PPP1R9A: variants seen among roughly 807,000 people sequenced by gnomAD.
The protein encoded by PPP1R9A is protein phosphatase 1 regulatory subunit 9A.
In PPP1R9A, 59 loss-of-function variants were observed where a neutral mutation model predicts 141.9. That is an observed-to-expected ratio of 0.42 (90% CI 0.34 to 0.52). PPP1R9A has a LOEUF of 0.52. Ranked by LOEUF, PPP1R9A falls within the 20% of genes least tolerant of loss-of-function variation. PPP1R9A has a pLI of 0.10. For synonymous variants in PPP1R9A, 500 were observed against 569.7 expected (o/e 0.88, Z 1.74); for missense variants, 1,444 against 1,611.9 (o/e 0.90, Z 1.78).
chr7:95,221,088 T>C (rs554423453), intron 7 of PPP1R9A, among the ~76,000 whole-genome samples: 1 of 152,194 alleles, frequency 6.6e-6, no homozygotes, highest in East Asian at 1.9e-4. Flanking sequence ...GACCAAAGTT[T>C]AGCAAATGTG....
intron 12 of PPP1R9A, among the ~76,000 whole-genome samples, chr7:95,263,838 T>G (rs539426521): frequency 6.6e-6 from 1 of 152,252 alleles, no homozygotes; most frequent in Non-Finnish European, 1.5e-5. Context: ...TTTACCCACT[T>G]AACATCTTGC....
At chr7:95,216,129 C>A (rs540822648) in intron 7 of PPP1R9A, among the ~76,000 whole-genome samples, 32 of 152,198 alleles carry the variant, frequency 2.1e-4, no homozygotes, top group African/African-American at 7.2e-4. Context: ...GTCTTTAATC[C>A]ATCTTGAATG....
intron 4 of PPP1R9A, among the ~76,000 whole-genome samples, chr7:95,150,729 C>G (rs1159694499): frequency 6.6e-6 from 1 of 151,966 alleles, no homozygotes; most frequent in Non-Finnish European, 1.5e-5. Flanking sequence ...AGAAGAGAAG[C>G]TATAGACTAG....
At chr7:94,978,208 A>G (rs1799694111) in intron 2 of PPP1R9A, among the ~76,000 whole-genome samples, 1 of 152,202 alleles carries the variant, frequency 6.6e-6, no homozygotes, top group Non-Finnish European at 1.5e-5. Context: ...CCATAAAGTG[A>G]TTTCTTATAA....
intron 2 of PPP1R9A, among the ~76,000 whole-genome samples, chr7:95,039,839 A>G (rs1343268873): frequency 6.6e-6 from 1 of 152,154 alleles, no homozygotes; most frequent in East Asian, 1.9e-4. Flanking sequence ...AAGGAGAAAA[A>G]TATTTGAAGT....
rs567670153 is a variant in PPP1R9A, at chr7:95,208,734, T to A, written c.1956+5004T>A. ...GCGAGACTCTGTCTCAAAAAAAAAA[T>A]AAATAAATAAAAATAAATGTTTCCT... On this transcript the variant is annotated intron_variant, in intron 7 of 19. Transcript: ENST00000433360. Among the ~76,000 whole-genome samples the A allele has an allele frequency of 4.6e-4, 70 of 150,666 alleles. 2 individuals carry two copies. The highest frequency in any genetic ancestry group is 1.3e-3 in the African/African-American group (54 of 41,036).
chr7:95,094,879 CAAA>C (rs1166550834), intron 2 of PPP1R9A, among the ~76,000 whole-genome samples: 873 of 44,820 alleles, frequency 0.019, 6 homozygotes, highest in African/African-American at 0.061. Context: ...GACTGCGTCT[CAAA>C]AAAAAAAAAA....
chr7:95,148,844 C>T lies in PPP1R9A; in HGVS notation c.1650-13023C>T, dbSNP rs148423389. 5.3e-5 allele frequency among the ~76,000 whole-genome samples: 8 copies of T among 152,054 alleles called. No homozygotes were observed. In the East Asian group the frequency reaches 1.2e-3, roughly 22 times the overall value. ...ATAAAAGCAAAGATAATAAATACTT[C>T]GTGTTCCATTCTATGAGGCCACCAG... On this transcript the variant is annotated intron_variant, in intron 4 of 19. Coordinates refer to ENST00000433360, the MANE Select transcript of PPP1R9A (RefSeq NM_001166160.2).
chr7:95,190,432 G>A (rs1299770915), intron 5 of PPP1R9A, among the ~76,000 whole-genome samples: 1 of 152,176 alleles, frequency 6.6e-6, no homozygotes, highest in Non-Finnish European at 1.5e-5. Flanking sequence ...AGTTGGCAGG[G>A]CTGTGAAATA....
chr7:95,121,988 A>T (rs1324946543), intron 4 of PPP1R9A, among the ~76,000 whole-genome samples: 2 of 152,156 alleles, frequency 1.3e-5, no homozygotes, highest in African/African-American at 4.8e-5. Flanking sequence ...CAAATATACG[A>T]CTGCTAAATT....
intron 8 of PPP1R9A, among the ~76,000 whole-genome samples, chr7:95,241,390 A>C (rs1436325571): frequency 9.2e-5 from 14 of 152,180 alleles, no homozygotes; most frequent in Non-Finnish European, 1.5e-5. Context: ...TCAAGCCATC[A>C]GTGAGGGTGG....
At chr7:95,070,967 G>A (rs180890890) in intron 2 of PPP1R9A, among the ~76,000 whole-genome samples, 70 of 151,948 alleles carry the variant, frequency 4.6e-4, no homozygotes, top group Non-Finnish European at 5.5e-4. Flanking sequence ...AAAAAATTGA[G>A]GAATATTTTT....
chr7:95,095,854 C>G (rs767876340), intron 2 of PPP1R9A, among the ~76,000 whole-genome samples: 10 of 152,174 alleles, frequency 6.6e-5, no homozygotes, highest in Non-Finnish European at 1.5e-4. Flanking sequence ...GTTGTTTGTG[C>G]TTCAATCTTG....
intron 2 of PPP1R9A, among the ~76,000 whole-genome samples, chr7:95,092,010 A>G (rs1366422576): frequency 1.3e-5 from 2 of 151,860 alleles, no homozygotes; most frequent in African/African-American, 4.8e-5. Context: ...TTTAAATGAG[A>G]CACCTATCCC....
intron 2 of PPP1R9A, among the ~76,000 whole-genome samples, chr7:94,940,369 G>C (rs1918471): frequency 0.58 from 86,963 of 151,204 alleles, 25,365 homozygotes; most frequent in South Asian, 0.74. Context: ...TTTTTTTTAA[G>C]TACAGCTCAT....
chr7:95,057,723 AC>A (rs1305895175), intron 2 of PPP1R9A, among the ~76,000 whole-genome samples: 1 of 152,042 alleles, frequency 6.6e-6, no homozygotes, highest in Non-Finnish European at 1.5e-5. Context: ...CCTTGCACTT[AC>A]CCAGCTTTCT....
intron 2 of PPP1R9A, among the ~76,000 whole-genome samples, chr7:94,917,480 C>T (rs1360451528): frequency 3.3e-5 from 5 of 152,084 alleles, no homozygotes; most frequent in Non-Finnish European, 7.4e-5. Context: ...AGTCATGGCT[C>T]ACTGCAGCCC....
At chr7:95,229,600 A>C (rs1795630960) in intron 8 of PPP1R9A, among the ~76,000 whole-genome samples, 1 of 152,074 alleles carries the variant, frequency 6.6e-6, no homozygotes, top group African/African-American at 2.4e-5. Context: ...CCTCCCCCAC[A>C]GCAGCCATAG....
chr7:95,012,562 A>G (rs576572550), intron 2 of PPP1R9A, among the ~76,000 whole-genome samples: 1 of 152,250 alleles, frequency 6.6e-6, no homozygotes, highest in Admixed American at 6.5e-5. Flanking sequence ...TATTTGTTTC[A>G]TTCTACACTT....
Sources: gnomAD v4.1 joint callset for allele counts (sites outside exome capture counted in the v4.1 genomes callset) on GRCh38, gnomAD v4.1.1 for gene constraint, MANE v1.5 for transcripts, NCBI Gene and HGNC (gene_info 2026-07-23, HGNC 2026-07-21) for gene names.